Variants in FAM13A observed in about 807,000 individuals in gnomAD.
The protein encoded by FAM13A is protein FAM13A.
In FAM13A, 76 loss-of-function variants were observed where a neutral mutation model predicts 129.6. The ratio of observed to expected loss-of-function variants is 0.59; its 90% CI spans 0.49 to 0.71. The LOEUF (loss-of-function observed/expected upper bound fraction) is 0.71. Ranked by LOEUF, FAM13A falls within the 30% of genes least tolerant of loss-of-function variation. The pLI, the probability that FAM13A is intolerant of heterozygous loss-of-function variation, is 0.00. For missense variants in FAM13A, 1,108 were observed against 1,249.3 expected, an observed-to-expected ratio of 0.89 and a Z score of 1.70; for synonymous variants, 443 against 449.9, an observed-to-expected ratio of 0.98 and a Z score of 0.20.
At chr4:88,756,310 C>T (rs775210980) in intron 14 of FAM13A, among the ~76,000 whole-genome samples, 9 of 152,286 alleles carry the variant, frequency 5.9e-5, no homozygotes, top group East Asian at 1.9e-4. Context: ...ACATGTCCTA[C>T]GGAATCTATT....
intron 8 of FAM13A, among the ~76,000 whole-genome samples, chr4:88,796,411 C>T (rs1009451023): frequency 6.6e-6 from 1 of 151,876 alleles, no homozygotes; most frequent in Non-Finnish European, 1.5e-5. Context: ...AGCAGAAATG[C>T]TTGATTGAGC....
chr4:89,032,440 A>C (rs1183299500), intron 1 of FAM13A, among the ~76,000 whole-genome samples: 2 of 152,140 alleles, frequency 1.3e-5, no homozygotes, highest in Non-Finnish European at 2.9e-5. Flanking sequence ...CAACCAGAGA[A>C]CCTTAAGGTT....
intron 6 of FAM13A, among the ~76,000 whole-genome samples, chr4:88,876,696 A>G (rs927269976): frequency 5.3e-5 from 8 of 151,810 alleles, no homozygotes; most frequent in African/African-American, 1.7e-4. Flanking sequence ...AGTTCATGCC[A>G]TTCTCCTGCC....
At chr4:88,933,952 T>C (rs114082498) in intron 5 of FAM13A, among the ~76,000 whole-genome samples, 2,077 of 152,306 alleles carry the variant, frequency 0.014, 56 homozygotes, top group African/African-American at 0.046. Context: ...GTTTCCTTTG[T>C]GGCCTCATTT....
At chr4:88,902,513 T>G (rs1747452497) in intron 6 of FAM13A, among the ~76,000 whole-genome samples, 2 of 152,022 alleles carry the variant, frequency 1.3e-5, no homozygotes, top group Non-Finnish European at 2.9e-5. Context: ...AAAAAACACT[T>G]GATTATCTCA....
chr4:88,986,164 C>A (rs1333665294), intron 4 of FAM13A, among the ~76,000 whole-genome samples: 1 of 150,080 alleles, frequency 6.7e-6, no homozygotes, highest in Non-Finnish European at 1.5e-5. Flanking sequence ...GATTGAGTCT[C>A]ACCCTATCTC....
intron 1 of FAM13A, among the ~76,000 whole-genome samples, chr4:89,037,782 C>A (rs1769582516): frequency 6.6e-6 from 1 of 152,186 alleles, no homozygotes; most frequent in East Asian, 1.9e-4. Flanking sequence ...CTCACAAGAT[C>A]TGGTTGTTTA....
chr4:88,906,653 G>C (rs1275467978), intron 5 of FAM13A, among the ~76,000 whole-genome samples, 191 bp from the exon 6 acceptor site: 1 of 152,172 alleles, frequency 6.6e-6, no homozygotes, highest in African/African-American at 2.4e-5. Context: ...AATAAAGTAA[G>C]ATAAGATGGT....
chr4:88,894,104 A>G (rs948334606), intron 6 of FAM13A, among the ~76,000 whole-genome samples: 1 of 152,238 alleles, frequency 6.6e-6, no homozygotes, highest in African/African-American at 2.4e-5. Context: ...TGAAAAATGG[A>G]AGCAGTCATA....
At chr4:89,018,276 C>G (rs1372168313) in intron 3 of FAM13A, among the ~76,000 whole-genome samples, 1 of 152,144 alleles carries the variant, frequency 6.6e-6, no homozygotes, top group Non-Finnish European at 1.5e-5. Context: ...GAAGGGACAT[C>G]AGGAGAGTGC....
At chr4:88,936,667 T>C (rs905040912) in intron 5 of FAM13A, 2 of 152,402 alleles carry the variant, frequency 1.3e-5, no homozygotes, top group Non-Finnish European at 2.9e-5. Context: ...GCAATTAGCT[T>C]TATCTCAGCA....
chr4:88,910,273 C>T (rs1748877773), intron 5 of FAM13A, among the ~76,000 whole-genome samples: 1 of 152,160 alleles, frequency 6.6e-6, no homozygotes, highest in Non-Finnish European at 1.5e-5. Flanking sequence ...CTTTGCACAA[C>T]ACCTACTTGC....
chr4:88,895,183 T>C (rs1274035136), intron 6 of FAM13A, among the ~76,000 whole-genome samples: 2 of 152,112 alleles, frequency 1.3e-5, no homozygotes, highest in South Asian at 2.1e-4. Flanking sequence ...TTACTACTAA[T>C]ACTATTACTT....
intron 3 of FAM13A, among the ~76,000 whole-genome samples, chr4:89,005,055 T>A (rs1159294551): frequency 6.6e-6 from 1 of 152,108 alleles, no homozygotes; most frequent in Non-Finnish European, 1.5e-5. Context: ...TTACTGTTCC[T>A]CTCCCTCCAC....
chr4:88,880,776 T>G (rs1205533172), intron 6 of FAM13A, among the ~76,000 whole-genome samples: 22 of 290 alleles, frequency 0.076, no homozygotes, highest in Non-Finnish European at 0.15. Context: ...GGTGGTGCGG[T>G]GGGGGGCGGG....
At chr4:88,857,428 G>C (rs1263135038) in intron 6 of FAM13A, among the ~76,000 whole-genome samples, 1 of 151,996 alleles carries the variant, frequency 6.6e-6, no homozygotes, top group Admixed American at 6.6e-5. Flanking sequence ...AGGAGTTCAA[G>C]ACCAGCCTGG....
rs773057345 is a variant in FAM13A at position 88,728,549 on chromosome 4, T to C, written c.3056A>G (p.Asp1019Gly). 1.2e-6 allele frequency: 2 copies of C among 1,614,080 alleles called. No individual in the cohort carries two copies. The highest frequency in any genetic ancestry group is 2.7e-5 in the African/African-American group (2 of 74,948). The change falls in exon 24 of 24, where the codon GAT becomes GGT. Residue 1019 changes from aspartate to glycine, a missense_variant. Asp to Gly is a moderately conservative substitution (Grantham distance 94, BLOSUM62 -1). Coordinates refer to ENST00000264344, the MANE Select transcript of FAM13A (RefSeq NM_014883.4). ...LEVLISKRDT[D>G]SKSM The stretch of plus-strand genomic sequence containing the variant: ...CCATGCCCCTCACATGGACTTGGAA[T>C]CAGTGTCTCTCTTGCTGATGAGCAC...
At chr4:88,751,539 T>A (rs1173947018) in intron 14 of FAM13A, among the ~76,000 whole-genome samples, 1 of 151,578 alleles carries the variant, frequency 6.6e-6, no homozygotes, top group Non-Finnish European at 1.5e-5. Flanking sequence ...GATGCATACA[T>A]AAATTAGCCA....
intron 6 of FAM13A, among the ~76,000 whole-genome samples, chr4:88,890,785 G>A (rs542227504): frequency 6.6e-6 from 1 of 152,192 alleles, no homozygotes; most frequent in South Asian, 2.1e-4. Flanking sequence ...AAAAGAGAAG[G>A]TCTCAAAAGA....
Sources: gnomAD v4.1 joint callset for allele counts (sites outside exome capture counted in the v4.1 genomes callset) on GRCh38, gnomAD v4.1.1 for gene constraint, MANE v1.5 for transcripts, NCBI Gene and HGNC (gene_info 2026-07-23, HGNC 2026-07-21) for gene names.